Variants in PRICKLE2 observed in about 807,000 individuals in gnomAD.
PRICKLE2 encodes prickle-like protein 2.
A neutral mutation model predicts 81.4 loss-of-function variants in PRICKLE2; 21 were observed. The observed-to-expected ratio is 0.26, with a 90% CI of 0.18 to 0.37. PRICKLE2 has a LOEUF of 0.37. Among genes scored for constraint, PRICKLE2 ranks in the 10% least tolerant of loss-of-function variants. PRICKLE2 has a pLI of 1.00. For synonymous variants in PRICKLE2, 456 were observed against 421.5 expected (o/e 1.08, Z -1.00); for missense variants, 940 against 1,109.0 (o/e 0.85, Z 2.16).
intron 7 of PRICKLE2, among the ~76,000 whole-genome samples, chr3:64,110,895 G>A (rs1287359852): frequency 2.1e-5 from 3 of 145,684 alleles, no homozygotes; most frequent in Non-Finnish European, 4.5e-5. Context: ...CCAGGAGGCG[G>A]AGCTTGCAGT....
At chr3:64,223,853 C>A (rs1300043090) in intron 1 of PRICKLE2, among the ~76,000 whole-genome samples, 1 of 152,180 alleles carries the variant, frequency 6.6e-6, no homozygotes, top group Non-Finnish European at 1.5e-5. Flanking sequence ...TGGCCTCTAG[C>A]AAAGAGGCAA....
intron 2 of PRICKLE2, among the ~76,000 whole-genome samples, chr3:64,169,509 T>A (rs2077894478): frequency 6.6e-6 from 1 of 152,176 alleles, no homozygotes; most frequent in Non-Finnish European, 1.5e-5. Flanking sequence ...TACTTTAGAA[T>A]CATCTGAGGC....
intron 2 of PRICKLE2, among the ~76,000 whole-genome samples, chr3:64,178,812 T>C (rs2078067214): frequency 6.6e-6 from 1 of 152,198 alleles, no homozygotes; most frequent in Admixed American, 6.5e-5. Context: ...CATTAATCCA[T>C]AACCTTGTTT....
At chr3:64,126,978 G>C (rs2106978020) in intron 7 of PRICKLE2, among the ~76,000 whole-genome samples, 1 of 152,270 alleles carries the variant, frequency 6.6e-6, no homozygotes, top group East Asian at 1.9e-4. Context: ...TCATTTGTCA[G>C]GTTTATCAAA....
intron 2 of PRICKLE2, among the ~76,000 whole-genome samples, chr3:64,192,881 G>A (rs2078371411): frequency 6.6e-6 from 1 of 152,158 alleles, no homozygotes. Context: ...GAACACTTGG[G>A]AGCATCCAAA....
chr3:64,189,233 G>A (rs776700686), intron 2 of PRICKLE2, among the ~76,000 whole-genome samples: 14 of 152,180 alleles, frequency 9.2e-5, no homozygotes, highest in Non-Finnish European at 1.6e-4. Flanking sequence ...AGAGATTGTC[G>A]ATAGGGAAAC....
chr3:64,255,630 G>A (rs1470452255), intron 2 of PRICKLE2, among the ~76,000 whole-genome samples: 2 of 152,092 alleles, frequency 1.3e-5, no homozygotes, highest in Non-Finnish European at 2.9e-5. Context: ...TCTCTCTAGC[G>A]CTCATTTTCT....
intron 2 of PRICKLE2, among the ~76,000 whole-genome samples, chr3:64,234,738 G>T (rs750260838): frequency 1.3e-5 from 2 of 152,024 alleles, no homozygotes; most frequent in Non-Finnish European, 2.9e-5. Flanking sequence ...CTAGGTCTCT[G>T]CCAGAACTAC....
chr3:64,146,838 T>G lies in PRICKLE2; in HGVS notation c.1652A>C (p.Asn551Thr). 3.1e-6 allele frequency: 5 copies of G among 1,614,104 alleles called. No individual in the cohort carries two copies. The highest frequency in any genetic ancestry group is 4.2e-6 in the Non-Finnish European group (5 of 1,180,008). Reference protein sequence around the residue: ...RGSMESLALSNATGLSADGGA... With the variant: ...RGSMESLALSTATGLSADGGA... ...AGGTGAACAGAACCTACCTGTTGCATTAGACAGGGCCAGGGATTCCATGGA... is the reference window on the plus strand; with the variant it reads ...AGGTGAACAGAACCTACCTGTTGCAGTAGACAGGGCCAGGGATTCCATGGA... Residue 551 changes from asparagine to threonine, a missense_variant, in exon 7 of 8, where the codon AAT (asparagine) becomes ACT (threonine). Coordinates refer to ENST00000638394, the MANE Select transcript of PRICKLE2 (RefSeq NM_198859.4).
chr3:64,128,958 G>A (rs2077158035), intron 7 of PRICKLE2, among the ~76,000 whole-genome samples: 1 of 151,850 alleles, frequency 6.6e-6, no homozygotes, highest in Non-Finnish European at 1.5e-5. Context: ...TTTGGGGCAG[G>A]ATAATTCCTT....
intron 2 of PRICKLE2, among the ~76,000 whole-genome samples, chr3:64,232,946 G>A (rs1001594809): frequency 5.3e-5 from 8 of 152,120 alleles, no homozygotes; most frequent in East Asian, 1.9e-4. Context: ...TTTGCTTCAC[G>A]TTTTTGCAAA....
rs2077577585 is a variant in PRICKLE2 at position 64,153,433 on chromosome 3, A to G, written c.601-65T>C. 5 of 1,511,902 alleles carry G rather than the reference A, an allele frequency of 3.3e-6. 1 individual carries two copies. The highest frequency in any genetic ancestry group is 1.7e-4 in the Middle Eastern group (1 of 5,872). The allele number at this position is 1,511,902 out of a possible 1,614,324, so 93.7% of individuals were successfully genotyped here. ...ATCCAGAACATATTTTAAAGGAAGAAAGCTATGGGGTCCTTGAACTAGAAG... is the reference window on the plus strand; with the variant it reads ...ATCCAGAACATATTTTAAAGGAAGAGAGCTATGGGGTCCTTGAACTAGAAG... On this transcript the variant is annotated intron_variant, in intron 5 of 7. Coordinates refer to ENST00000638394, the MANE Select transcript of PRICKLE2 (RefSeq NM_198859.4).
intron 2 of PRICKLE2, among the ~76,000 whole-genome samples, chr3:64,172,788 T>A (rs1481970279): frequency 6.6e-6 from 1 of 152,100 alleles, no homozygotes; most frequent in Non-Finnish European, 1.5e-5. Flanking sequence ...TAAGATTAAA[T>A]GAGGTCATAA....
At chr3:64,108,156 C>T (rs2076785323) in intron 7 of PRICKLE2, among the ~76,000 whole-genome samples, 1 of 152,154 alleles carries the variant, frequency 6.6e-6, no homozygotes, top group Non-Finnish European at 1.5e-5. Flanking sequence ...GACTGTATGA[C>T]CTGCAAAGCC....
At chr3:64,244,367 A>G (rs1418022699) in intron 2 of PRICKLE2, among the ~76,000 whole-genome samples, 2 of 152,166 alleles carry the variant, frequency 1.3e-5, no homozygotes, top group Non-Finnish European at 2.9e-5. Context: ...AGGATATAAG[A>G]TGAGCTAACT....
At chr3:64,110,686 G>A (rs982619596) in intron 7 of PRICKLE2, among the ~76,000 whole-genome samples, 2 of 152,068 alleles carry the variant, frequency 1.3e-5, no homozygotes, top group Admixed American at 6.5e-5. Flanking sequence ...GGCAGAGGGA[G>A]CAAGAATATT....
intron 7 of PRICKLE2, among the ~76,000 whole-genome samples, chr3:64,143,075 C>T (rs894377611): frequency 6.6e-6 from 1 of 152,102 alleles, no homozygotes; most frequent in Non-Finnish European, 1.5e-5. Context: ...GGCTTAATAT[C>T]GTGCCCATCT....
At position 64,178,078 on chromosome 3, in the gene PRICKLE2, A is replaced by C. The variant is rs2078056589; in HGVS notation, c.145-14949T>G. ...TACCAACATTTATTTTCCAGTTTTTAAAATTATAACCATCTTAGTAGGTCT... is the reference window on the plus strand; with the variant it reads ...TACCAACATTTATTTTCCAGTTTTTCAAATTATAACCATCTTAGTAGGTCT... On this transcript the variant is annotated intron_variant, in intron 2 of 7. Coordinates refer to ENST00000638394, the MANE Select transcript of PRICKLE2 (RefSeq NM_198859.4). 6.6e-5 allele frequency among the ~76,000 whole-genome samples: 10 copies of C among 152,322 alleles called. No individual in the cohort carries two copies. In the South Asian group the frequency reaches 2.1e-3, roughly 32 times the overall value.
intron 7 of PRICKLE2, among the ~76,000 whole-genome samples, chr3:64,140,884 C>T (rs977385282): frequency 6.6e-6 from 1 of 152,178 alleles, no homozygotes; most frequent in Non-Finnish European, 1.5e-5. Flanking sequence ...ATGCCTATCC[C>T]TTCAGCTAAA....
Sources: gnomAD v4.1 joint callset for allele counts (sites outside exome capture counted in the v4.1 genomes callset) on GRCh38, gnomAD v4.1.1 for gene constraint, MANE v1.5 for transcripts, NCBI Gene and HGNC (gene_info 2026-07-23, HGNC 2026-07-21) for gene names.